The following DCAF8 variants were observed in gnomAD, a reference collection of about 807,000 sequenced individuals.
DCAF8 encodes the protein DDB1 and CUL4 associated factor 8.
Under a neutral mutation model 68.0 loss-of-function variants are expected in DCAF8, and 20 were observed. The ratio of observed to expected loss-of-function variants is 0.29; its 90% CI spans 0.21 to 0.43. DCAF8 has a LOEUF of 0.43. DCAF8 is among the 20% of genes least tolerant of loss of function. DCAF8 has a pLI of 1.00. For synonymous variants in DCAF8, 230 were observed against 276.9 expected, an observed-to-expected ratio of 0.83 and a Z score of 1.68; for missense variants, 460 against 771.0, an observed-to-expected ratio of 0.60 and a Z score of 4.78.
At chr1:160,248,587 T>G (rs1450138052) in intron 2 of DCAF8, among the ~76,000 whole-genome samples, 1 of 150,980 alleles carries the variant, frequency 6.6e-6, no homozygotes, top group Non-Finnish European at 1.5e-5. Flanking sequence ...ACAAAAAAAT[T>G]AGGCAGGCAT....
chr1:160,239,534 A>G (rs575943835), intron 4 of DCAF8, 163 bp downstream of exon 4: 3 of 1,537,226 alleles, frequency 2.0e-6, no homozygotes, highest in Non-Finnish European at 2.6e-6. Flanking sequence ...GGTTGCCAAG[A>G]GTCTTTCAGT....
At chr1:160,226,985 A>G (rs1655498987) in intron 7 of DCAF8, among the ~76,000 whole-genome samples, 1 of 152,248 alleles carries the variant, frequency 6.6e-6, no homozygotes, top group Non-Finnish European at 1.5e-5. Context: ...GGGAAAATAC[A>G]GAGAAGATTT....
At position 160,218,759 on chromosome 1, in the gene DCAF8, T is replaced by C. The variant is rs940860917; in HGVS notation, c.1560+90A>G. Reference sequence around the variant, plus strand: ...TGTTAGAGCAGTGCCTTTAAAGAACTGGGCAGCAAGTTATTCCTCCCTATG... The same window carrying C: ...TGTTAGAGCAGTGCCTTTAAAGAACCGGGCAGCAAGTTATTCCTCCCTATG... On this transcript the variant is annotated intron_variant, in intron 12 of 13. Transcript: ENST00000368074. The C allele has an allele frequency of 3.2e-6, 5 of 1,564,580 alleles. No individual in the cohort carries two copies. The African/African-American group carries it at 6.8e-5, about 21-fold the overall frequency.
Position 160,259,288 on chromosome 1 carries a change from A to C in DCAF8, c.-27+1997T>G, listed in dbSNP as rs552730610. 2.0e-5 allele frequency among the ~76,000 whole-genome samples: 3 copies of C among 152,134 alleles called. No individual in the cohort carries two copies. The South Asian group carries it at 6.2e-4, about 31-fold the overall frequency. On this transcript the variant is annotated intron_variant, in intron 2 of 13. Transcript: ENST00000368074. The stretch of plus-strand genomic sequence containing the variant: ...GGTGGTTCACACCTGTAATCCTAGC[A>C]CTTTGGGAGGCTGAGGCGGGCAGAT...
chr1:160,244,779 A>G (rs190535422), intron 2 of DCAF8, among the ~76,000 whole-genome samples: 2,404 of 151,764 alleles, frequency 0.016, 60 homozygotes, highest in African/African-American at 0.049. Context: ...CACCATGCCC[A>G]CCTTTCTGTA....
At chr1:160,242,194 G>A (rs1233355856) in intron 3 of DCAF8, among the ~76,000 whole-genome samples, 4 of 150,490 alleles carry the variant, frequency 2.7e-5, no homozygotes, top group African/African-American at 7.4e-5. Context: ...GCAGTGAGCC[G>A]AGATTGTGCC....
chr1:160,236,130 C>T (rs1655865481), intron 6 of DCAF8, among the ~76,000 whole-genome samples: 1 of 151,816 alleles, frequency 6.6e-6, no homozygotes, highest in Non-Finnish European at 1.5e-5. Flanking sequence ...ACTTGAATCT[C>T]TTAAACAAGA....
intron 5 of DCAF8, 41 bp from the exon 6 acceptor site, chr1:160,237,270 A>G (rs1420827067): frequency 7.2e-7 from 1 of 1,384,814 alleles, no homozygotes; most frequent in Admixed American, 2.1e-5. Context: ...TCTAAATATT[A>G]GAATTAGAGG....
chr1:160,231,539 GTGTTTTCTCTGTT>G (rs1655685687), intron 6 of DCAF8, 132 bp from the exon 7 acceptor site: 2 of 663,628 alleles, frequency 3.0e-6, no homozygotes, highest in Non-Finnish European at 5.2e-6. Flanking sequence ...AAGAATTGTT[GTGTTTTCTCTGTT>G]TGTTTTGTAC....
chr1:160,240,108 C>A lies in DCAF8; in HGVS notation c.312G>T (p.Glu104Asp), dbSNP rs1171139063. ...RVHDRSEEEEEEEEEEEEEQP... is the reference protein window; with the variant it reads ...RVHDRSEEEEDEEEEEEEEQP... ...GCTCTTCTTCCTCCTCTTCTTCCTC[C>A]TCTTCCTCTTCCTCTGAGCGGTCAT... Residue 104 changes from glutamate (E) to aspartate (D), a missense_variant, in exon 4 of 14, where the codon GAG (glutamate) becomes GAT (aspartate). By Grantham distance (45) the Glu-to-Asp change is conservative. Transcript: ENST00000368074. 2 of 1,611,416 alleles carry A rather than the reference C, an allele frequency of 1.2e-6. No individual in the cohort carries two copies. The highest frequency in any genetic ancestry group is 1.3e-5 in the African/African-American group (1 of 75,024).
chr1:160,225,546 T>C (rs1278698775), intron 8 of DCAF8, 45 bp downstream of exon 8: 1 of 1,486,248 alleles, frequency 6.7e-7, no homozygotes, highest in African/African-American at 1.4e-5. Context: ...AGCCTTGGGG[T>C]TGAGTCAGGG....
chr1:160,228,909 A>ACC lies in DCAF8; in HGVS notation c.1070+2387_1070+2388insGG, dbSNP rs201812393. On this transcript the variant is annotated intron_variant, in intron 7 of 13. Coordinates refer to ENST00000368074, the MANE Select transcript of DCAF8 (RefSeq NM_015726.4). ...AACCTCAAAACATTCAGTTGGCTGC[A>ACC]CAGGAGAGGTGCCAGAGAAGTTGAG... is the stretch of plus-strand genomic sequence containing the variant. Among the ~76,000 whole-genome samples, 93 of 152,360 alleles carry ACC rather than the reference A, an allele frequency of 6.1e-4. No individual in the cohort carries two copies. In the East Asian group the frequency reaches 0.017, roughly 28 times the overall value.
rs547233674 is a variant in DCAF8 at position 160,252,980 on chromosome 1, G to C, written c.-27+8305C>G. On this transcript the variant is annotated intron_variant, in intron 2 of 13. Transcript: ENST00000368074. Reference sequence around the variant, plus strand: ...TAAATAAAGTAAGGCCAGAGATACAGACTTGTGAATTATCTGTACAGAGAA... The same window carrying C: ...TAAATAAAGTAAGGCCAGAGATACACACTTGTGAATTATCTGTACAGAGAA... Among the ~76,000 whole-genome samples the C allele has an allele frequency of 2.0e-5, 3 of 152,256 alleles. No homozygotes were observed. In the South Asian group the frequency reaches 6.2e-4, roughly 32 times the overall value.
At chr1:160,256,502 G>C (rs1178748054) in intron 2 of DCAF8, among the ~76,000 whole-genome samples, 1 of 152,018 alleles carries the variant, frequency 6.6e-6, no homozygotes, top group Non-Finnish European at 1.5e-5. Flanking sequence ...GTACACCAGA[G>C]GAATACAGTA....
At chr1:160,257,188 T>C (rs1199580047) in intron 2 of DCAF8, among the ~76,000 whole-genome samples, 3 of 152,144 alleles carry the variant, frequency 2.0e-5, no homozygotes, top group Non-Finnish European at 4.4e-5. Flanking sequence ...TGCCTATTGC[T>C]GATTCAATTA....
chr1:160,251,088 C>G lies in DCAF8; in HGVS notation c.-26-7054G>C, dbSNP rs566575019. ...CATTCTGCTACTCAAGTGCCCAACT[C>G]TCCTACATAAACACCCATATTTAAA... On this transcript the variant is annotated intron_variant, in intron 2 of 13. Transcript: ENST00000368074. Among the ~76,000 whole-genome samples the G allele has an allele frequency of 5.3e-5, 8 of 152,326 alleles. No individual in the cohort carries two copies. In the South Asian group the frequency reaches 1.7e-3, roughly 32 times the overall value.
chr1:160,233,628 C>T (rs1398548429), intron 6 of DCAF8, among the ~76,000 whole-genome samples: 2 of 152,112 alleles, frequency 1.3e-5, no homozygotes, highest in Non-Finnish European at 2.9e-5. Flanking sequence ...CATCTCATTT[C>T]CTTAGCAATT....
chr1:160,248,887 C>T (rs1348819582), intron 2 of DCAF8, among the ~76,000 whole-genome samples: 1 of 148,902 alleles, frequency 6.7e-6, no homozygotes, highest in Non-Finnish European at 1.5e-5. Context: ...AACAGAGTGA[C>T]ACCATCTCAA....
At chr1:160,245,048 C>A (rs962610612) in intron 2 of DCAF8, among the ~76,000 whole-genome samples, 39 of 152,170 alleles carry the variant, frequency 2.6e-4, no homozygotes, top group Non-Finnish European at 4.6e-4. Context: ...TCTCTAAGCA[C>A]AAAGACAAAG....
Sources: allele counts gnomAD v4.1 joint callset (sites outside exome capture counted in the v4.1 genomes callset), GRCh38; gene constraint gnomAD v4.1.1; transcripts MANE v1.5; gene names NCBI Gene and HGNC (gene_info 2026-07-23, HGNC 2026-07-21).